Variants in PCDHGA3 observed in about 807,000 individuals in gnomAD.
The protein encoded by PCDHGA3 is protocadherin gamma-A3.
Under a neutral mutation model 58.5 loss-of-function variants are expected in PCDHGA3, and 40 were observed. That is an observed-to-expected ratio of 0.68 (90% confidence interval 0.53 to 0.89). The LOEUF (loss-of-function observed/expected upper bound fraction) is 0.89, where lower values mean the gene tolerates loss of function less well. Among genes scored for constraint, PCDHGA3 ranks in the 40% least tolerant of loss-of-function variants. The pLI is 0.00. For synonymous variants in PCDHGA3, 530 were observed against 525.7 expected, an observed-to-expected ratio of 1.01 and a Z score of -0.11; for missense variants, 1,223 against 1,195.9, an observed-to-expected ratio of 1.02 and a Z score of -0.33.
chr5:141,421,855 C>T (rs1329066630), intron 1 of PCDHGA3: 1 of 1,613,764 alleles, frequency 6.2e-7, no homozygotes, highest in East Asian at 2.2e-5. Context: ...GGCTGCTCAC[C>T]TGCTCCTCCT....
At chr5:141,361,775 G>A (rs1435917865) in intron 1 of PCDHGA3, 1 of 1,613,226 alleles carries the variant, frequency 6.2e-7, no homozygotes, top group South Asian at 1.1e-5. Context: ...GCCAACGTGA[G>A]CCTGCGCGTG....
In PCDHGA3 at chr5:141,511,028, T is replaced by G. The variant is rs1279056657; in HGVS notation, c.2654T>G (p.Leu885Arg). The G allele has an allele frequency of 3.7e-6, 6 of 1,614,084 alleles. No individual in the cohort carries two copies. The highest frequency in any genetic ancestry group is 1.7e-5 in the Admixed American group (1 of 60,004). ...LSARYGPQFT[L>R]QHVPDYRQNV... is the part of the protein sequence containing the mutation. The stretch of plus-strand genomic sequence containing the variant: ...GCCCGCTACGGACCCCAGTTCACCC[T>G]GCAGCACGTGCCCGACTACCGCCAG... Residue 885 changes from leucine to arginine, a missense_variant, in exon 4 of 4, where the codon CTG becomes CGG. Physicochemically the swap from Leu to Arg is moderately radical, Grantham distance 102. This residue lies in a region of PCDHGA3 where 325 missense variants were observed against 327.5 expected (regional missense o/e 0.99). Transcript: ENST00000253812.
chr5:141,422,563 G>A, intron 1 of PCDHGA3: 3 of 1,613,986 alleles, frequency 1.9e-6, no homozygotes, highest in African/African-American at 1.3e-5. Flanking sequence ...TGTGGCAGAT[G>A]ACAACGATAA....
chr5:141,419,274 C>T lies in PCDHGA3; in HGVS notation c.2424+72817C>T, dbSNP rs755798236. 17 of 1,613,900 alleles carry T rather than the reference C, an allele frequency of 1.1e-5. No homozygotes were observed. Among genetic ancestry groups the T allele is most frequent in the African/African-American group, 1.3e-5 (1 of 74,948 alleles). ...AACAACCAGCCGGGTGCCTCCATAG[C>T]GCAAGTCAGTGCCTCTGACCCAGAC... is the stretch of plus-strand genomic sequence containing the variant. On this transcript the variant is annotated intron_variant, in intron 1 of 3. Transcript: ENST00000253812.
At chr5:141,397,614 A>ACTAGAACT (rs2150713337) in intron 1 of PCDHGA3, among the ~76,000 whole-genome samples, 1 of 152,358 alleles carries the variant, frequency 6.6e-6, no homozygotes, top group African/African-American at 2.4e-5. Context: ...CAAGGGCAAT[A>ACTAGAACT]CTTAGTTCTA....
rs1163950013 is a variant in PCDHGA3 at position 141,512,955 on chromosome 5, A to G, written c.*1782A>G. 2 of 152,234 alleles carry G rather than the reference A, an allele frequency of 1.3e-5. No homozygotes were observed. The highest frequency in any genetic ancestry group is 2.9e-5 in the Non-Finnish European group (2 of 68,046). The allele number at this position is 152,234 out of a possible 1,614,324, so 9.4% of individuals were successfully genotyped here. ...GCTTTTTTTCTTCGACAAAAAAATA[A>G]TAAAACGTTTCTTCTGAAAAGCTGA... On this transcript the variant is annotated 3_prime_UTR_variant, in exon 4 of 4. Coordinates refer to ENST00000253812, the MANE Select transcript of PCDHGA3 (RefSeq NM_018916.4).
chr5:141,419,322 C>T lies in PCDHGA3; in HGVS notation c.2424+72865C>T, dbSNP rs370480327. The stretch of plus-strand genomic sequence containing the variant: ...GACTTCGGGCTCAACGGCCGTGTCT[C>T]CTACTCTCTCATTGCCAGCGACCTG... On this transcript the variant is annotated intron_variant, in intron 1 of 3. Transcript: ENST00000253812. 164 of 1,613,852 alleles carry T rather than the reference C, an allele frequency of 1.0e-4. No individual in the cohort carries two copies. Among genetic ancestry groups the T allele is most frequent in the Non-Finnish European group, 1.3e-4 (153 of 1,179,898 alleles).
chr5:141,402,071 A>G, intron 1 of PCDHGA3, among the ~76,000 whole-genome samples: 2 of 152,340 alleles, frequency 1.3e-5, no homozygotes, highest in Middle Eastern at 3.4e-3. Context: ...AAAACTAAGC[A>G]TTTTTGAAAT....
At chr5:141,359,388 T>C (rs960100027) in intron 1 of PCDHGA3, among the ~76,000 whole-genome samples, 6 of 152,096 alleles carry the variant, frequency 3.9e-5, no homozygotes, top group African/African-American at 9.7e-5. Context: ...ATTTATAACC[T>C]AAAATCAAAT....
intron 1 of PCDHGA3, chr5:141,424,126 G>C: frequency 9.3e-6 from 5 of 538,222 alleles, no homozygotes; most frequent in Non-Finnish European, 1.2e-5. Flanking sequence ...TGATCCTGTT[G>C]ATTTAATAGC....
At chr5:141,347,103 C>G (rs1279523001) in intron 1 of PCDHGA3, among the ~76,000 whole-genome samples, 1 of 146,280 alleles carries the variant, frequency 6.8e-6, no homozygotes, top group African/African-American at 2.5e-5. Context: ...TCCTTCCTCT[C>G]TCTCTTTCCT....
Position 141,458,000 on chromosome 5 carries a change from A to G in PCDHGA3, c.2425-36807A>G, listed in dbSNP as rs1047291886. ...CACCCTTTCAGTTAAAGCCTTGGCA[A>G]AATAACCGGTTTTTCCAATTGTGTT... On this transcript the variant is annotated intron_variant, in intron 1 of 3. Coordinates refer to ENST00000253812, the MANE Select transcript of PCDHGA3 (RefSeq NM_018916.4). Among the ~76,000 whole-genome samples, 4 of 152,214 alleles carry G rather than the reference A, an allele frequency of 2.6e-5. No homozygotes were observed. In the East Asian group the frequency reaches 5.8e-4, roughly 22 times the overall value.
chr5:141,511,007 G>A lies in PCDHGA3; in HGVS notation c.2633G>A (p.Arg878His), dbSNP rs780918754. The change falls in exon 4 of 4, where the codon CGC becomes CAC. Residue 878 changes from arginine to histidine, a missense_variant. Physicochemically the swap from Arg to His is conservative, Grantham distance 29 (BLOSUM62 0). Transcript: ENST00000253812. ...GCCGGCACCATGGGATTGAGCGCCC[G>A]CTACGGACCCCAGTTCACCCTGCAG... is the stretch of plus-strand genomic sequence containing the variant. ...GGAGTMGLSA[R>H]YGPQFTLQHV... 1.9e-6 allele frequency: 3 copies of A among 1,614,158 alleles called. No individual in the cohort carries two copies. Among genetic ancestry groups the A allele is most frequent in the East Asian group, 4.5e-5 (2 of 44,890 alleles).
intron 1 of PCDHGA3, among the ~76,000 whole-genome samples, chr5:141,439,132 G>C (rs1180893484): frequency 6.6e-6 from 1 of 151,054 alleles, no homozygotes; most frequent in African/African-American, 2.4e-5. Context: ...GACAGAGGTT[G>C]CAGTGAGCTG....
chr5:141,357,110 C>T (rs570147053), intron 1 of PCDHGA3: 1 of 1,613,828 alleles, frequency 6.2e-7, no homozygotes, highest in East Asian at 2.2e-5. Flanking sequence ...GACAGAGACG[C>T]GCTCAAGCAG....
intron 1 of PCDHGA3, among the ~76,000 whole-genome samples, chr5:141,349,200 G>A (rs977753760): frequency 6.6e-6 from 1 of 151,708 alleles, no homozygotes; most frequent in Admixed American, 6.6e-5. Context: ...CTCCCGAGTA[G>A]CTGGCGTTAC....
At chr5:141,465,923 C>G (rs908350232) in intron 1 of PCDHGA3, among the ~76,000 whole-genome samples, 2 of 152,062 alleles carry the variant, frequency 1.3e-5, no homozygotes, top group African/African-American at 4.8e-5. Flanking sequence ...GATTTCGAGT[C>G]CATCCTGGCT....
At position 141,344,920 on chromosome 5, in the gene PCDHGA3, C is replaced by T; in HGVS notation, c.887C>T (p.Ser296Leu). The T allele has an allele frequency of 6.2e-7, 1 of 1,613,888 alleles. No individual in the cohort carries two copies. Among genetic ancestry groups the T allele is most frequent in the Non-Finnish European group, 8.5e-7 (1 of 1,179,836 alleles). Residue 296 changes from serine (S) to leucine (L), a missense_variant, in exon 1 of 4, where the codon TCA becomes TTA. Physicochemically the swap from Ser to Leu is moderately radical, Grantham distance 145 (BLOSUM62 -2). Transcript: ENST00000253812. ...ATCGCTGAGATTTTCCATCTTAACT[C>T]AGTGAGTGGAGAAGTATCAATATTA... ...GKIAEIFHLN[S>L]VSGEVSILKS...
chr5:141,444,376 G>A (rs977995642), intron 1 of PCDHGA3, among the ~76,000 whole-genome samples: 1 of 151,796 alleles, frequency 6.6e-6, no homozygotes, highest in Non-Finnish European at 1.5e-5. Flanking sequence ...TCTCCATGTT[G>A]GTCAGGCTAG....
Sources: allele counts gnomAD v4.1 joint callset (sites outside exome capture counted in the v4.1 genomes callset), GRCh38; gene constraint gnomAD v4.1.1; regional missense constraint gnomAD v4.1.1; transcripts MANE v1.5; gene names NCBI Gene and HGNC (gene_info 2026-07-23, HGNC 2026-07-21).